The following SPIRE1 variants were observed in gnomAD, a reference collection of about 807,000 sequenced individuals.
The protein encoded by SPIRE1 is spire type actin nucleation factor 1.
SPIRE1 carries 40 observed loss-of-function variants against 94.1 expected under a neutral mutation model. The ratio of observed to expected loss-of-function variants is 0.43; its 90% CI spans 0.33 to 0.55. SPIRE1 has a LOEUF of 0.55. Ranked by LOEUF, SPIRE1 falls within the 20% of genes least tolerant of loss-of-function variation. SPIRE1 has a pLI of 0.06. For synonymous variants in SPIRE1, 376 were observed against 371.7 expected, an observed-to-expected ratio of 1.01 and a Z score of -0.13; for missense variants, 838 against 975.2, an observed-to-expected ratio of 0.86 and a Z score of 1.87.
In SPIRE1 at chr18:12,609,581, C is replaced by G. The variant is rs574474741; in HGVS notation, c.372+25481G>C. ...TGCTACAAGCTAGGTAGAATCTGTT[C>G]CAGTCTCAACGATCTGAGACCTATT... On this transcript the variant is annotated intron_variant, in intron 2 of 16. Coordinates refer to ENST00000409402, the MANE Select transcript of SPIRE1 (RefSeq NM_001128626.2). 1.1e-4 allele frequency among the ~76,000 whole-genome samples: 16 copies of G among 152,316 alleles called. No homozygotes were observed. In the South Asian group the frequency reaches 3.1e-3, roughly 30 times the overall value.
chr18:12,632,674 C>A (rs944493626), intron 2 of SPIRE1, among the ~76,000 whole-genome samples: 1 of 151,868 alleles, frequency 6.6e-6, no homozygotes, highest in Non-Finnish European at 1.5e-5. Context: ...TTTTTGTTTC[C>A]TTGTGTTTTG....
At chr18:12,644,069 C>T (rs1363947132) in intron 1 of SPIRE1, among the ~76,000 whole-genome samples, 2 of 149,742 alleles carry the variant, frequency 1.3e-5, no homozygotes, top group Non-Finnish European at 3.0e-5. Context: ...CATGATGGCA[C>T]ATGCCTGTAG....
chr18:12,512,472 C>G lies in SPIRE1; in HGVS notation c.789G>C (p.Glu263Asp). ...CTCTTACCCAGTCAGCGTTTTTCAGCTCTTCCAAGTCTGTGCTAGATTCAT... is the reference window on the plus strand; with the variant it reads ...CTCTTACCCAGTCAGCGTTTTTCAGGTCTTCCAAGTCTGTGCTAGATTCAT... Reference protein sequence around the residue: ...KSDESSTDLEELKNADWARFW... With the variant: ...KSDESSTDLEDLKNADWARFW... Residue 263 changes from glutamate (E) to aspartate (D), a missense_variant, in exon 5 of 17, where the codon GAG (glutamate) becomes GAC (aspartate). Physicochemically the swap from Glu to Asp is conservative, Grantham distance 45. Transcript: ENST00000409402. 3 of 1,612,398 alleles carry G rather than the reference C, an allele frequency of 1.9e-6. No individual in the cohort carries two copies.
chr18:12,635,348 T>G (rs1482588712), intron 1 of SPIRE1, among the ~76,000 whole-genome samples: 1 of 152,094 alleles, frequency 6.6e-6, no homozygotes, highest in Non-Finnish European at 1.5e-5. Context: ...CTAAAACATA[T>G]GTACATATTT....
At chr18:12,512,611 A>G (rs1370532600) in intron 4 of SPIRE1, 80 bp from the exon 5 acceptor site, 2 of 868,010 alleles carry the variant, frequency 2.3e-6, no homozygotes, top group African/African-American at 3.4e-5. Flanking sequence ...ATCTTCAGAT[A>G]AGACATATAT....
intron 12 of SPIRE1, among the ~76,000 whole-genome samples, chr18:12,457,041 G>C (rs1051575878): frequency 2.1e-5 from 3 of 143,698 alleles, no homozygotes; most frequent in African/African-American, 7.8e-5. Flanking sequence ...ATGTTGGCCA[G>C]GCTGGTCTCG....
At chr18:12,616,003 C>T (rs1035252025) in intron 2 of SPIRE1, among the ~76,000 whole-genome samples, 9 of 152,164 alleles carry the variant, frequency 5.9e-5, no homozygotes, top group African/African-American at 2.2e-4. Context: ...CTAGAACAAA[C>T]TATTTTAAAA....
At chr18:12,619,976 AAATT>A (rs1046101262) in intron 2 of SPIRE1, among the ~76,000 whole-genome samples, 1 of 152,142 alleles carries the variant, frequency 6.6e-6, no homozygotes, top group African/African-American at 2.4e-5. Flanking sequence ...AAAAACATTA[AAATT>A]AATAAATGAA....
intron 1 of SPIRE1, among the ~76,000 whole-genome samples, chr18:12,655,345 G>A (rs78871990): frequency 6.6e-6 from 1 of 152,334 alleles, no homozygotes; most frequent in Non-Finnish European, 1.5e-5. Context: ...TATTCATCAA[G>A]TGTAAGAATC....
At position 12,533,475 on chromosome 18, in the gene SPIRE1, C is replaced by T. The variant is rs118028860; in HGVS notation, c.729+2001G>A. On this transcript the variant is annotated intron_variant, in intron 4 of 16. Transcript: ENST00000409402. ...ACAAGGTTTAGAAAAAGGAACATCTCGCACACAAGTGTGAATATCCAATCA... is the reference window on the plus strand; with the variant it reads ...ACAAGGTTTAGAAAAAGGAACATCTTGCACACAAGTGTGAATATCCAATCA... 4.5e-3 allele frequency among the ~76,000 whole-genome samples: 681 copies of T among 152,276 alleles called. 1 individual carries two copies. Among genetic ancestry groups the T allele is most frequent in the Non-Finnish European group, 7.7e-3 (526 of 68,020 alleles).
chr18:12,635,267 A>T (rs1352172285), intron 1 of SPIRE1, among the ~76,000 whole-genome samples, 171 bp from the exon 2 acceptor site: 1 of 152,180 alleles, frequency 6.6e-6, no homozygotes, highest in Non-Finnish European at 1.5e-5. Context: ...TTAGAGATTT[A>T]AGTTTAAATA....
At chr18:12,506,694 C>G in intron 5 of SPIRE1, 53 bp from the exon 6 acceptor site, 1 of 1,503,448 alleles carries the variant, frequency 6.7e-7, no homozygotes, top group Non-Finnish European at 9.2e-7. Flanking sequence ...CTAGTTTCTT[C>G]TAAACAGCTA....
chr18:12,489,030 T>A (rs563070207), intron 8 of SPIRE1, among the ~76,000 whole-genome samples: 2 of 150,830 alleles, frequency 1.3e-5, no homozygotes, highest in South Asian at 2.1e-4. Context: ...CTAAAAAAAA[T>A]ACAAAAAATT....
chr18:12,617,704 C>G (rs910784984), intron 2 of SPIRE1, among the ~76,000 whole-genome samples: 5 of 152,076 alleles, frequency 3.3e-5, no homozygotes, highest in African/African-American at 1.2e-4. Context: ...GCCACCATAC[C>G]CGGCCTCCCG....
chr18:12,547,027 C>A, intron 2 of SPIRE1, 123 bp from the exon 3 acceptor site: 1 of 604,540 alleles, frequency 1.7e-6, no homozygotes, highest in Non-Finnish European at 2.9e-6. Context: ...ATACACAAAC[C>A]CTTTTTATAT....
chr18:12,511,425 T>C (rs2034032862), intron 5 of SPIRE1, among the ~76,000 whole-genome samples: 1 of 152,212 alleles, frequency 6.6e-6, no homozygotes, highest in Non-Finnish European at 1.5e-5. Flanking sequence ...GAGAATCTAA[T>C]GCCTGATGAT....
intron 2 of SPIRE1, among the ~76,000 whole-genome samples, chr18:12,608,071 T>C (rs2037035463): frequency 6.6e-6 from 1 of 150,788 alleles, no homozygotes; most frequent in Non-Finnish European, 1.5e-5. Context: ...GGCAGGGGAA[T>C]GACGTGAACT....
intron 2 of SPIRE1, among the ~76,000 whole-genome samples, chr18:12,619,848 G>GAAAAAAAAAAAAAAAAAAAAAAAAAA (rs35340668): frequency 9.0e-6 from 1 of 111,002 alleles, no homozygotes. Context: ...TCTGCCTCAG[G>GAAAAAAAAAAAAAAAAAAAAAAAAAA]AAAAAAAAAA....
At chr18:12,506,302 T>C (rs911701526) in intron 6 of SPIRE1, among the ~76,000 whole-genome samples, 175 bp downstream of exon 6, 1 of 152,010 alleles carries the variant, frequency 6.6e-6, no homozygotes, top group Non-Finnish European at 1.5e-5. Flanking sequence ...GAACTACAGG[T>C]GTGCACCACC....
Sources: allele counts gnomAD v4.1 joint callset (sites outside exome capture counted in the v4.1 genomes callset), GRCh38; gene constraint gnomAD v4.1.1; transcripts MANE v1.5; gene names NCBI Gene and HGNC (gene_info 2026-07-23, HGNC 2026-07-21).